NF1: variants seen among roughly 807,000 people sequenced by gnomAD.
NF1 encodes neurofibromin 1.
In NF1, 122 loss-of-function variants were observed where a neutral mutation model predicts 325.7. That is an observed-to-expected ratio of 0.37 (90% CI 0.32 to 0.44). The LOEUF (loss-of-function observed/expected upper bound fraction) is 0.44. Among genes scored for constraint, NF1 ranks in the 20% least tolerant of loss-of-function variants. The pLI, the probability that NF1 is intolerant of heterozygous loss-of-function variation, is 1.00. For missense variants in NF1, 2,140 were observed against 3,415.4 expected (o/e 0.63, Z 9.31); for synonymous variants, 1,091 against 1,186.0 (o/e 0.92, Z 1.65).
In NF1 at chr17:31,358,865, A is replaced by G. The variant is rs1597868611; in HGVS notation, c.8114-104A>G. The G allele has an allele frequency of 1.4e-5, 16 of 1,123,172 alleles. No individual in the cohort carries two copies. The South Asian group carries it at 2.1e-4, about 15-fold the overall frequency. 69.6% of individuals were successfully genotyped at this position (1,123,172 alleles called of 1,614,324 possible). A position where few individuals can be genotyped will look rare whatever the true frequency, so the allele number is the denominator to read the frequency against. ...CTCATTCTAAAAACATGTTTTCAAC[A>G]TGTACATAGGGTTTATATATCATCA... On this transcript the variant is annotated intron_variant, in intron 55 of 57. Transcript: ENST00000358273.
At chr17:31,156,844 T>G (rs1425643705) in intron 2 of NF1, among the ~76,000 whole-genome samples, 1 of 152,166 alleles carries the variant, frequency 6.6e-6, no homozygotes, top group Non-Finnish European at 1.5e-5. Context: ...TCCCTTCCTC[T>G]CTCTAAATTC....
chr17:31,166,161 T>G (rs574912271), intron 4 of NF1, among the ~76,000 whole-genome samples: 1 of 152,214 alleles, frequency 6.6e-6, no homozygotes, highest in African/African-American at 2.4e-5. Flanking sequence ...TCATTTGATA[T>G]ACCACCAGAA....
In NF1 at chr17:31,287,552, G is replaced by C. The variant is rs1053251427; in HGVS notation, c.4835+22213G>C. On this transcript the variant is annotated intron_variant, in intron 36 of 57. Transcript: ENST00000358273. ...TGATCTCATTCATAACTGTGTGTGT[G>C]TGTGTGTGTGTGTGTGTGTGTGTGT... Among the ~76,000 whole-genome samples, 42 of 147,056 alleles carry C rather than the reference G, an allele frequency of 2.9e-4. No homozygotes were observed. The South Asian group carries it at 8.2e-3, about 29-fold the overall frequency.
chr17:31,337,214 A>G (rs192959678), intron 42 of NF1, among the ~76,000 whole-genome samples, 154 bp from the exon 43 acceptor site: 2 of 152,372 alleles, frequency 1.3e-5, no homozygotes, highest in African/African-American at 2.4e-5. Flanking sequence ...AGCAAGGAGC[A>G]TTAATACAAT....
intron 44 of NF1, 34 bp from the exon 45 acceptor site, chr17:31,337,991 G>A (rs1457049917): frequency 6.3e-7 from 1 of 1,579,856 alleles, no homozygotes; most frequent in African/African-American, 1.3e-5. Flanking sequence ...AAACACAAAG[G>A]TTTTTATAAG....
chr17:31,211,332 A>G (rs1281874263), intron 12 of NF1, among the ~76,000 whole-genome samples: 1 of 152,246 alleles, frequency 6.6e-6, no homozygotes, highest in Non-Finnish European at 1.5e-5. Flanking sequence ...GTAACCCACT[A>G]AAATTAAAAG....
At position 31,132,009 on chromosome 17, in the gene NF1, C is replaced by A. The variant is rs112513491; in HGVS notation, c.61-23974C>A. Among the ~76,000 whole-genome samples, 566 of 152,198 alleles carry A rather than the reference C, an allele frequency of 3.7e-3. 6 individuals carry two copies. The highest frequency in any genetic ancestry group is 0.013 in the African/African-American group (537 of 41,506). The stretch of plus-strand genomic sequence containing the variant: ...GCAGTGGTGTGATCACTGTTCACTG[C>A]AGCCTTAACCTCCTGGGCTCAAGCA... On this transcript the variant is annotated intron_variant, in intron 1 of 57. Coordinates refer to ENST00000358273, the MANE Select transcript of NF1 (RefSeq NM_001042492.3).
At position 31,336,190 on chromosome 17, in the gene NF1, G is replaced by A; in HGVS notation, c.6007-143G>A. 1 of 757,408 alleles carries A rather than the reference G, an allele frequency of 1.3e-6. No individual in the cohort carries two copies. The allele number at this position is 757,408 out of a possible 1,614,324, so 46.9% of individuals were successfully genotyped here. A position where few individuals can be genotyped will look rare whatever the true frequency, so the allele number is the denominator to read the frequency against. On this transcript the variant is annotated intron_variant, in intron 40 of 57. Coordinates refer to ENST00000358273, the MANE Select transcript of NF1 (RefSeq NM_001042492.3). This position sits in a 1 kb window ranked among gnomAD's most constrained non-coding sequence, Gnocchi z 5.5. ...TATAATAAATTGTATTTACTGACAGGCCTGTAAATAAAATCTAGTATTTTT... is the reference window on the plus strand; with the variant it reads ...TATAATAAATTGTATTTACTGACAGACCTGTAAATAAAATCTAGTATTTTT...
chr17:31,364,434 G>C (rs1009023482), intron 57 of NF1, among the ~76,000 whole-genome samples: 1 of 152,168 alleles, frequency 6.6e-6, no homozygotes, highest in African/African-American at 2.4e-5. Flanking sequence ...AGCAGGATCA[G>C]CTACTGAGCT....
At chr17:31,125,726 G>A (rs1914823134) in intron 1 of NF1, among the ~76,000 whole-genome samples, 1 of 151,824 alleles carries the variant, frequency 6.6e-6, no homozygotes. Context: ...ATTAGAGACG[G>A]GGTTTCGCCA....
intron 1 of NF1, among the ~76,000 whole-genome samples, chr17:31,149,961 G>A (rs1916816596): frequency 6.6e-6 from 1 of 152,210 alleles, no homozygotes; most frequent in Admixed American, 6.5e-5. Flanking sequence ...GTGAAAGAGA[G>A]AGAGAGTAAA....
rs1361040414 is a variant in NF1 at position 31,201,074 on chromosome 17, G to A, written c.1100G>A (p.Gly367Asp). Residue 367 changes from glycine to aspartate, a missense_variant, in exon 10 of 58, where the codon GGC (glycine) becomes GAC (aspartate). This residue lies in a region of NF1 where 179 missense variants were observed against 381.0 expected (regional missense o/e 0.47). Transcript: ENST00000358273. ...AATCCAAGTAAGCCATTCTCAAGAGGCAGTCAGCCTGCAGATGTGGATCTA... is the reference window on the plus strand; with the variant it reads ...AATCCAAGTAAGCCATTCTCAAGAGACAGTCAGCCTGCAGATGTGGATCTA... ...LFNPSKPFSR[G>D]SQPADVDLMI... The A allele has an allele frequency of 1.2e-6, 2 of 1,613,870 alleles. No homozygotes were observed. Among genetic ancestry groups the A allele is most frequent in the Non-Finnish European group, 1.7e-6 (2 of 1,180,012 alleles).
intron 36 of NF1, chr17:31,318,852 G>A (rs1423120230): frequency 1.9e-6 from 3 of 1,613,922 alleles, no homozygotes; most frequent in Middle Eastern, 1.6e-4. Flanking sequence ...TTTCATTTTG[G>A]TTTCTGCCTG....
At chr17:31,205,029 T>C (rs1417156870) in intron 11 of NF1, among the ~76,000 whole-genome samples, 2 of 152,136 alleles carry the variant, frequency 1.3e-5, no homozygotes, top group Non-Finnish European at 2.9e-5. Context: ...AAAAAAGCAT[T>C]TCTTCCCTCC....
intron 1 of NF1, among the ~76,000 whole-genome samples, chr17:31,106,261 C>G (rs996139091): frequency 6.6e-6 from 1 of 152,158 alleles, no homozygotes; most frequent in African/African-American, 2.4e-5. Context: ...GATACTTACC[C>G]TTCTCACATC....
intron 36 of NF1, chr17:31,295,194 G>A (rs1453579571): frequency 1.2e-6 from 2 of 1,614,128 alleles, no homozygotes; most frequent in East Asian, 2.2e-5. Context: ...GTGATACTTA[G>A]GGTCATGGGT....
chr17:31,263,125 A>AGATAGATAGATAGATAGATAGAT (rs78971065), intron 35 of NF1, among the ~76,000 whole-genome samples: 5 of 143,118 alleles, frequency 3.5e-5, no homozygotes, highest in Admixed American at 7.1e-5. Flanking sequence ...ATAGATAGAT[A>AGATAGATAGATAGATAGATAGAT]AGATAAGATA....
At chr17:31,365,172 C>T (rs1424222471) in intron 57 of NF1, among the ~76,000 whole-genome samples, 2 of 148,896 alleles carry the variant, frequency 1.3e-5, no homozygotes, top group African/African-American at 2.5e-5. Context: ...GTAGTCCCAG[C>T]TACTTGGGAG....
chr17:31,343,995 C>G (rs1478755025), intron 48 of NF1, among the ~76,000 whole-genome samples: 1 of 151,322 alleles, frequency 6.6e-6, no homozygotes, highest in Non-Finnish European at 1.5e-5. Context: ...TTACAAAAAC[C>G]TACATACTGA....
Sources: gnomAD v4.1 joint callset for allele counts (sites outside exome capture counted in the v4.1 genomes callset) on GRCh38, gnomAD v4.1.1 for gene constraint, gnomAD v4.1.1 regional missense constraint, Gnocchi (gnomAD v3.1) non-coding constraint, MANE v1.5 for transcripts, NCBI Gene and HGNC (gene_info 2026-07-23, HGNC 2026-07-21) for gene names.